The following DPYD variants were observed in gnomAD, a reference collection of about 807,000 sequenced individuals.
The protein encoded by DPYD is dihydropyrimidine dehydrogenase.
Under a neutral mutation model 116.2 loss-of-function variants are expected in DPYD, and 109 were observed. That is an observed-to-expected ratio of 0.94 (90% confidence interval 0.80 to 1.10). The LOEUF (loss-of-function observed/expected upper bound fraction) is 1.10, where lower values mean the gene tolerates loss of function less well. Ranked by LOEUF, DPYD falls within the 50% of genes least tolerant of loss-of-function variation. DPYD has a pLI of 0.00. For missense variants in DPYD, 1,302 were observed against 1,254.5 expected (o/e 1.04, Z -0.57); for synonymous variants, 440 against 432.0 (o/e 1.02, Z -0.23).
intron 3 of DPYD, among the ~76,000 whole-genome samples, chr1:97,742,781 T>C (rs1260401293): frequency 6.6e-6 from 1 of 152,032 alleles, no homozygotes; most frequent in Non-Finnish European, 1.5e-5. Context: ...ACAAAATAGC[T>C]AAAAAGTAAA....
At chr1:97,441,239 G>A (rs908691862) in intron 14 of DPYD, among the ~76,000 whole-genome samples, 1 of 151,844 alleles carries the variant, frequency 6.6e-6, no homozygotes, top group Admixed American at 6.6e-5. Flanking sequence ...GTTTTGGGAG[G>A]TTTGTAGTTT....
intron 13 of DPYD, among the ~76,000 whole-genome samples, chr1:97,486,368 G>C (rs568068282): frequency 2.6e-5 from 4 of 152,230 alleles, no homozygotes; most frequent in Non-Finnish European, 5.9e-5. Context: ...TGAAATAACA[G>C]ATGCACATTT....
intron 20 of DPYD, among the ~76,000 whole-genome samples, chr1:97,109,393 C>T (rs188054320): frequency 6.6e-6 from 1 of 152,176 alleles, no homozygotes; most frequent in Admixed American, 6.6e-5. Context: ...TGAAACCCAC[C>T]TTCAAAATGC....
intron 20 of DPYD, among the ~76,000 whole-genome samples, chr1:97,169,234 A>T (rs1230930335): frequency 1.3e-5 from 2 of 152,284 alleles, no homozygotes; most frequent in East Asian, 1.9e-4. Context: ...TGTGTTACCT[A>T]TAAACATTTT....
At chr1:97,879,721 C>T (rs1672097091) in intron 2 of DPYD, among the ~76,000 whole-genome samples, 1 of 151,822 alleles carries the variant, frequency 6.6e-6, no homozygotes, top group East Asian at 1.9e-4. Flanking sequence ...TTTTACCGGT[C>T]AAACACATGC....
intron 13 of DPYD, among the ~76,000 whole-genome samples, chr1:97,498,900 G>C (rs901059373): frequency 6.6e-6 from 1 of 151,528 alleles, no homozygotes; most frequent in African/African-American, 2.4e-5. Flanking sequence ...AAATTTATTT[G>C]TAAACATAAA....
chr1:97,396,651 T>C (rs915810634), intron 14 of DPYD, among the ~76,000 whole-genome samples: 6 of 152,054 alleles, frequency 3.9e-5, no homozygotes, highest in African/African-American at 1.4e-4. Context: ...TATTGGCCCT[T>C]TATAATCTGG....
intron 21 of DPYD, among the ~76,000 whole-genome samples, chr1:97,089,064 G>A (rs1042310965): frequency 2.0e-5 from 3 of 151,994 alleles, no homozygotes; most frequent in African/African-American, 7.3e-5. Context: ...TAAAGCACTC[G>A]ATCAGGCTGA....
At position 97,772,116 on chromosome 1, in the gene DPYD, T is replaced by G. The variant is rs116479343; in HGVS notation, c.234-31637A>C. ...AATGATGTTGTCTTAAATTTTTTTA[T>G]CTCTTTAAACTACTCTCTGACTTCC... On this transcript the variant is annotated intron_variant, in intron 3 of 22. Coordinates refer to ENST00000370192, the MANE Select transcript of DPYD (RefSeq NM_000110.4). 2.1e-3 allele frequency among the ~76,000 whole-genome samples: 314 copies of G among 152,308 alleles called. 1 individual carries two copies. Among genetic ancestry groups the G allele is most frequent in the African/African-American group, 6.5e-3 (270 of 41,564 alleles).
At chr1:97,431,180 G>C (rs1675158796) in intron 14 of DPYD, among the ~76,000 whole-genome samples, 1 of 152,050 alleles carries the variant, frequency 6.6e-6, no homozygotes, top group Non-Finnish European at 1.5e-5. Flanking sequence ...TGTTTTGTGA[G>C]AAAACAGACT....
chr1:97,826,273 C>A (rs1277081202), intron 3 of DPYD, among the ~76,000 whole-genome samples: 1 of 152,286 alleles, frequency 6.6e-6, no homozygotes, highest in Non-Finnish European at 1.5e-5. Flanking sequence ...AGAATTTAAT[C>A]ATCTCTTCAT....
chr1:97,317,422 T>A (rs1434240070), intron 16 of DPYD, among the ~76,000 whole-genome samples: 2 of 151,976 alleles, frequency 1.3e-5, no homozygotes, highest in Non-Finnish European at 2.9e-5. Flanking sequence ...GGCAGCTGCT[T>A]GCCCTACTAT....
chr1:97,371,545 G>C (rs1211753643), intron 16 of DPYD, among the ~76,000 whole-genome samples: 1 of 152,188 alleles, frequency 6.6e-6, no homozygotes, highest in Non-Finnish European at 1.5e-5. Context: ...AAAGGAACTA[G>C]AGGAAAAGGC....
At chr1:97,173,226 A>C (rs1385788781) in intron 20 of DPYD, among the ~76,000 whole-genome samples, 2 of 104,930 alleles carry the variant, frequency 1.9e-5, no homozygotes, top group African/African-American at 5.6e-5. Context: ...ATATACGTAC[A>C]TATATGCGCA....
intron 20 of DPYD, among the ~76,000 whole-genome samples, chr1:97,188,256 A>G (rs1031976826): frequency 1.3e-5 from 2 of 152,120 alleles, no homozygotes; most frequent in African/African-American, 4.8e-5. Context: ...TCATTTATTA[A>G]TATCACCAAT....
At chr1:97,657,474 T>A (rs991864367) in intron 8 of DPYD, among the ~76,000 whole-genome samples, 4 of 152,206 alleles carry the variant, frequency 2.6e-5, no homozygotes, top group Non-Finnish European at 5.9e-5. Context: ...TATAAAGTTG[T>A]CAATATTTTT....
chr1:97,782,721 C>T (rs1447242619), intron 3 of DPYD, among the ~76,000 whole-genome samples: 2 of 152,152 alleles, frequency 1.3e-5, no homozygotes, highest in African/African-American at 2.4e-5. Flanking sequence ...ATGACAATCC[C>T]TTCTATCTTT....
At chr1:97,229,546 GTATATATATATATATATATATATATA>G (rs55638142) in intron 19 of DPYD, among the ~76,000 whole-genome samples, 105 of 58,170 alleles carry the variant, frequency 1.8e-3, no homozygotes, top group African/African-American at 5.3e-3. Flanking sequence ...ACCATCCTAA[GTATATATATATATATATATATATATA>G]TATATATATA....
At chr1:97,881,113 A>G (rs756760046) in intron 2 of DPYD, among the ~76,000 whole-genome samples, 17 of 152,050 alleles carry the variant, frequency 1.1e-4, no homozygotes, top group Non-Finnish European at 2.2e-4. Flanking sequence ...GAACTGAACT[A>G]TATCTCCTCA....
Sources: gnomAD v4.1 joint callset for allele counts (sites outside exome capture counted in the v4.1 genomes callset) on GRCh38, gnomAD v4.1.1 for gene constraint, MANE v1.5 for transcripts, NCBI Gene and HGNC (gene_info 2026-07-23, HGNC 2026-07-21) for gene names.